IL1RAPL2: variants seen among roughly 807,000 people sequenced by gnomAD.
IL1RAPL2 encodes the protein X-linked interleukin-1 receptor accessory protein-like 2.
A neutral mutation model predicts 44.1 loss-of-function variants in IL1RAPL2; 3 were observed. The observed-to-expected ratio is 0.07, with a 90% CI of 0.03 to 0.18. IL1RAPL2 has a LOEUF of 0.18. IL1RAPL2 is among the 10% of genes least tolerant of loss of function. IL1RAPL2 has a pLI of 1.00. For missense variants in IL1RAPL2, 391 were observed against 496.4 expected, an observed-to-expected ratio of 0.79 and a Z score of 2.02; for synonymous variants, 181 against 178.8, an observed-to-expected ratio of 1.01 and a Z score of -0.10.
chrX:105,127,111 A>G (rs1483726813), intron 2 of IL1RAPL2, among the ~76,000 whole-genome samples: 1 of 111,492 alleles, frequency 9.0e-6, no homozygotes, highest in Admixed American at 9.5e-5. Context: ...TGTGTGCTAT[A>G]GAGACTCCTA....
chrX:105,684,223 C>T (rs368477647), intron 6 of IL1RAPL2, among the ~76,000 whole-genome samples: 26 of 112,279 alleles, frequency 2.3e-4, no homozygotes, highest in African/African-American at 3.6e-4. Context: ...TGAAGCAGGG[C>T]GGGGCGTCGC....
intron 2 of IL1RAPL2, among the ~76,000 whole-genome samples, chrX:105,039,497 G>T (rs1462192905): frequency 9.0e-6 from 1 of 111,677 alleles, no homozygotes; most frequent in Non-Finnish European, 1.9e-5. Context: ...TAGGTTCTGG[G>T]TCAACTTCTG....
chrX:105,740,438 G>C, intron 7 of IL1RAPL2, 108 bp from the exon 8 acceptor site: 1 of 748,091 alleles, frequency 1.3e-6, no homozygotes, highest in Non-Finnish European at 2.0e-6. Context: ...GATTCTCCAC[G>C]CCCATCATCA....
chrX:105,151,783 A>G (rs1015332054), intron 2 of IL1RAPL2, among the ~76,000 whole-genome samples: 1 of 109,334 alleles, frequency 9.1e-6, no homozygotes, highest in South Asian at 3.8e-4. Flanking sequence ...ACTACAGTGT[A>G]TATATATATA....
At chrX:104,579,994 C>T (rs1928313512) in intron 1 of IL1RAPL2, among the ~76,000 whole-genome samples, 1 of 111,597 alleles carries the variant, frequency 9.0e-6, no homozygotes, top group Admixed American at 9.6e-5. Flanking sequence ...ATGTGCAGGA[C>T]TCCTAATTAA....
chrX:105,519,417 AT>A (rs1205253296), intron 6 of IL1RAPL2, among the ~76,000 whole-genome samples: 2 of 111,309 alleles, frequency 1.8e-5, no homozygotes, highest in Non-Finnish European at 3.8e-5. Context: ...TTTATTAAGA[AT>A]TGGAAATTTG....
At chrX:104,723,356 C>T (rs184218270) in intron 2 of IL1RAPL2, among the ~76,000 whole-genome samples, 5 of 110,748 alleles carry the variant, frequency 4.5e-5, no homozygotes, top group African/African-American at 6.5e-5. Context: ...ATACATGTAA[C>T]GTCCTGTTAC....
At chrX:105,447,360 TATAAATA>T (rs2035972736) in intron 5 of IL1RAPL2, among the ~76,000 whole-genome samples, 4 of 66,642 alleles carry the variant, frequency 6.0e-5, no homozygotes, top group African/African-American at 2.5e-4. Flanking sequence ...TATATAAATA[TATAAATA>T]TAAATATATA....
intron 6 of IL1RAPL2, among the ~76,000 whole-genome samples, chrX:105,506,474 T>C (rs2036431965): frequency 9.0e-6 from 1 of 111,206 alleles, no homozygotes; most frequent in Non-Finnish European, 1.9e-5. Context: ...TATGCACTCT[T>C]CTGGTACAAG....
chrX:105,085,015 A>G (rs966607151), intron 2 of IL1RAPL2, among the ~76,000 whole-genome samples: 3 of 111,741 alleles, frequency 2.7e-5, no homozygotes, highest in Non-Finnish European at 5.6e-5. Flanking sequence ...GCCATGTAAG[A>G]CGTGCCTGCT....
chrX:105,089,039 A>G (rs2032510567), intron 2 of IL1RAPL2, among the ~76,000 whole-genome samples: 1 of 111,603 alleles, frequency 9.0e-6, no homozygotes, highest in Non-Finnish European at 1.9e-5. Context: ...AAAATTTTTC[A>G]TTGGTATAGA....
At chrX:104,730,967 T>C (rs1407623356) in intron 2 of IL1RAPL2, among the ~76,000 whole-genome samples, 2 of 111,412 alleles carry the variant, frequency 1.8e-5, no homozygotes, top group African/African-American at 6.5e-5. Flanking sequence ...ATTTCTCTGA[T>C]GGCCAGTGAT....
At chrX:104,933,264 A>G (rs1924949922) in intron 2 of IL1RAPL2, among the ~76,000 whole-genome samples, 1 of 111,467 alleles carries the variant, frequency 9.0e-6, no homozygotes, top group Non-Finnish European at 1.9e-5. Flanking sequence ...AACTTAAAAT[A>G]TAATAAGAAA....
chrX:104,857,445 C>T (rs962880435), intron 2 of IL1RAPL2, among the ~76,000 whole-genome samples: 3 of 111,857 alleles, frequency 2.7e-5, no homozygotes, highest in African/African-American at 9.7e-5. Context: ...AACAAACCAT[C>T]TCCCATAGTG....
At chrX:104,734,147 A>G (rs1006676949) in intron 2 of IL1RAPL2, among the ~76,000 whole-genome samples, 1 of 112,444 alleles carries the variant, frequency 8.9e-6, no homozygotes, top group Admixed American at 9.4e-5. Flanking sequence ...GAATACAATT[A>G]TCAGTGCTAG....
intron 2 of IL1RAPL2, among the ~76,000 whole-genome samples, chrX:104,972,354 T>C (rs1039458111): frequency 1.8e-5 from 2 of 111,520 alleles, no homozygotes; most frequent in African/African-American, 6.5e-5. Flanking sequence ...GAATCATTAG[T>C]GTACTGGAGG....
At chrX:105,452,879 C>T (rs1400296363) in intron 5 of IL1RAPL2, among the ~76,000 whole-genome samples, 1 of 112,149 alleles carries the variant, frequency 8.9e-6, no homozygotes, top group Non-Finnish European at 1.9e-5. Flanking sequence ...GACTTTAATG[C>T]CTTTAGCCCT....
intron 2 of IL1RAPL2, among the ~76,000 whole-genome samples, chrX:104,935,071 A>G (rs1031013268): frequency 1.8e-5 from 2 of 111,725 alleles, no homozygotes; most frequent in African/African-American, 6.5e-5. Context: ...CACTTAGGGG[A>G]CACTGTGCCT....
At chrX:105,211,427 G>A (rs1403736008) in intron 3 of IL1RAPL2, among the ~76,000 whole-genome samples, 1 of 111,137 alleles carries the variant, frequency 9.0e-6, no homozygotes, top group Non-Finnish European at 1.9e-5. Flanking sequence ...GCACTGCCAT[G>A]TCGATTTGAG....
Sources: gnomAD v4.1 joint callset for allele counts (sites outside exome capture counted in the v4.1 genomes callset) on GRCh38, gnomAD v4.1.1 for gene constraint, MANE v1.5 for transcripts, NCBI Gene and HGNC (gene_info 2026-07-23, HGNC 2026-07-21) for gene names.